USP34: variants seen among roughly 807,000 people sequenced by gnomAD.
The protein encoded by USP34 is ubiquitin carboxyl-terminal hydrolase 34.
A neutral mutation model predicts 460.3 loss-of-function variants in USP34; 70 were observed. That is an observed-to-expected ratio of 0.15 (90% CI 0.13 to 0.19). The LOEUF is 0.19. Among genes scored for constraint, USP34 ranks in the 10% least tolerant of loss-of-function variants. The pLI, the probability that USP34 is intolerant of heterozygous loss-of-function variation, is 1.00. For synonymous variants in USP34, 1,647 were observed against 1,405.3 expected (o/e 1.17, Z -3.85); for missense variants, 3,985 against 4,236.2 (o/e 0.94, Z 1.65).
intron 62 of USP34, 123 bp from the exon 63 acceptor site, chr2:61,223,419 A>G: frequency 1.0e-6 from 1 of 989,858 alleles, no homozygotes. Flanking sequence ...TCATAAAATG[A>G]TTTTTTGCTA....
At chr2:61,189,127 GT>G in intron 78 of USP34, 58 bp from the exon 79 acceptor site, 2 of 1,539,744 alleles carry the variant, frequency 1.3e-6, no homozygotes, top group Non-Finnish European at 8.8e-7. Flanking sequence ...TGATGCAGTT[GT>G]TTACAGTTAA....
At chr2:61,297,269 C>T (rs1690057588) in intron 29 of USP34, among the ~76,000 whole-genome samples, 1 of 152,174 alleles carries the variant, frequency 6.6e-6, no homozygotes, top group East Asian at 1.9e-4. Context: ...TTTTGCAGGT[C>T]ACTATTCTAA....
In USP34 at chr2:61,214,309, G is replaced by T. The variant is rs1372246931; in HGVS notation, c.8433C>A (p.Asp2811Glu). 1.2e-6 allele frequency: 2 copies of T among 1,614,246 alleles called. No individual in the cohort carries two copies. Among genetic ancestry groups the T allele is most frequent in the Non-Finnish European group, 1.7e-6 (2 of 1,180,046 alleles). The change falls in exon 68 of 80, where the codon GAC (aspartate) becomes GAA (glutamate). Residue 2811 changes from aspartate to glutamate, a missense_variant. Physicochemically the swap from Asp to Glu is conservative, Grantham distance 45. This residue lies in a region of USP34 where 66 missense variants were observed against 121.2 expected (regional missense o/e 0.54). Coordinates refer to ENST00000398571, the MANE Select transcript of USP34 (RefSeq NM_014709.4). ...CAATAAGGCGGATATTCTCTGGACA[G>T]TCAGCACAGACATTGTACCAAAATG... ...LLSFWYNVCA[D>E]CPENIRLIVQ...
intron 18 of USP34, among the ~76,000 whole-genome samples, chr2:61,338,592 A>AAC (rs2103750285): frequency 2.0e-5 from 3 of 152,342 alleles, no homozygotes; most frequent in African/African-American, 7.2e-5. Flanking sequence ...TTAATAACTG[A>AAC]ACTGTCAACA....
rs750634035 is a variant in USP34, at chr2:61,344,033, C to A, written c.2286-4G>T. Reference sequence around the variant, plus strand: ...TAGCATATCATCAACCATATGCCTACAAAACAGAGAAAAGCACAAAGTTAG... The same window carrying A: ...TAGCATATCATCAACCATATGCCTAAAAAACAGAGAAAAGCACAAAGTTAG... On this transcript the variant is annotated splice_region_variant and splice_polypyrimidine_tract_variant and intron_variant, in intron 15 of 79. Coordinates refer to ENST00000398571, the MANE Select transcript of USP34 (RefSeq NM_014709.4). 1 of 1,611,650 alleles carries A rather than the reference C, an allele frequency of 6.2e-7. No homozygotes were observed. The highest frequency in any genetic ancestry group is 8.5e-7 in the Non-Finnish European group (1 of 1,178,462).
chr2:61,322,964 T>C (rs1690971366), intron 21 of USP34, among the ~76,000 whole-genome samples: 1 of 152,226 alleles, frequency 6.6e-6, no homozygotes, highest in African/African-American at 2.4e-5. Flanking sequence ...TTAAACACTT[T>C]TGTTATTTTT....
chr2:61,236,415 T>G (rs747730342), intron 53 of USP34, 26 bp from the exon 54 acceptor site: 148 of 1,530,220 alleles, frequency 9.7e-5, no homozygotes, highest in South Asian at 8.6e-5. Context: ...TTAACATTAG[T>G]GATAAAGCAG....
chr2:61,403,458 C>T (rs1199990494), intron 3 of USP34, among the ~76,000 whole-genome samples: 2 of 152,098 alleles, frequency 1.3e-5, no homozygotes, highest in Non-Finnish European at 2.9e-5. Context: ...GATATTAAAG[C>T]ACTATGTAGA....
In USP34 at chr2:61,346,857, G is replaced by C. The variant is rs759136678; in HGVS notation, c.2285+1013C>G. 5.1e-3 allele frequency among the ~76,000 whole-genome samples: 645 copies of C among 126,968 alleles called. 5 individuals are homozygous for C. Among genetic ancestry groups the C allele is most frequent in the Non-Finnish European group, 8.2e-3 (496 of 60,232 alleles). The allele number at this position is 126,968 out of a possible 152,430, so 83.3% of individuals were successfully genotyped here. On this transcript the variant is annotated intron_variant, in intron 15 of 79. Transcript: ENST00000398571. ...AAAAAAAAAAAAAAAAAAAAAAAAG[G>C]CCGGGCCTGGTGGCTCACACCTGTG... is the stretch of plus-strand genomic sequence containing the variant.
At chr2:61,231,415 T>C (rs1332574268) in intron 58 of USP34, among the ~76,000 whole-genome samples, 1 of 152,128 alleles carries the variant, frequency 6.6e-6, no homozygotes, top group Admixed American at 6.6e-5. Flanking sequence ...TTTTATGGTA[T>C]AAGAATTGTA....
chr2:61,303,522 A>C (rs941113809), intron 27 of USP34, among the ~76,000 whole-genome samples: 1 of 152,228 alleles, frequency 6.6e-6, no homozygotes, highest in African/African-American at 2.4e-5. Flanking sequence ...CAAAACCAGA[A>C]GAAAAGTAAA....
chr2:61,221,676 T>G (rs966226771), intron 65 of USP34, 70 bp from the exon 66 acceptor site: 5 of 1,370,374 alleles, frequency 3.6e-6, no homozygotes, highest in Non-Finnish European at 5.1e-6. Flanking sequence ...AGAAGAAACA[T>G]ATATTCTACT....
At chr2:61,279,645 T>C (rs945520308) in intron 39 of USP34, among the ~76,000 whole-genome samples, 2 of 152,140 alleles carry the variant, frequency 1.3e-5, no homozygotes, top group Non-Finnish European at 2.9e-5. Flanking sequence ...TTTGCATTTT[T>C]AGTAGAGATG....
chr2:61,367,436 C>T (rs557268707), intron 10 of USP34, among the ~76,000 whole-genome samples: 1 of 152,304 alleles, frequency 6.6e-6, no homozygotes, highest in East Asian at 1.9e-4. Flanking sequence ...GCTAATTACA[C>T]CACTGCGCTC....
At chr2:61,292,875 A>G (rs1572906124) in intron 33 of USP34, among the ~76,000 whole-genome samples, 2 of 152,112 alleles carry the variant, frequency 1.3e-5, no homozygotes, top group African/African-American at 4.8e-5. Flanking sequence ...TGGTAAAGTT[A>G]ACATTTTTTA....
At chr2:61,277,902 C>G (rs1689418567) in intron 41 of USP34, 1 of 380,004 alleles carries the variant, frequency 2.6e-6, no homozygotes, top group African/African-American at 2.1e-5. Flanking sequence ...AAACCGCTTT[C>G]GCTTGGTTCT....
chr2:61,389,523 C>G (rs1269589625), intron 5 of USP34, among the ~76,000 whole-genome samples: 1 of 151,950 alleles, frequency 6.6e-6, no homozygotes, highest in African/African-American at 2.4e-5. Flanking sequence ...GAAGATCTAC[C>G]ATTTACTAAG....
intron 1 of USP34, among the ~76,000 whole-genome samples, chr2:61,430,212 CACA>C (rs1694627959): frequency 8.5e-6 from 1 of 117,718 alleles, no homozygotes; most frequent in Non-Finnish European, 1.7e-5. Flanking sequence ...GAGTCTTCGT[CACA>C]AAAAAAAAAA....
chr2:61,470,206 G>C (rs1695906619), intron 1 of USP34, among the ~76,000 whole-genome samples: 1 of 152,178 alleles, frequency 6.6e-6, no homozygotes, highest in South Asian at 2.1e-4. Context: ...ATGAAAATTA[G>C]CAGGTAAGAG....
Sources: gnomAD v4.1 joint callset for allele counts (sites outside exome capture counted in the v4.1 genomes callset) on GRCh38, gnomAD v4.1.1 for gene constraint, gnomAD v4.1.1 regional missense constraint, MANE v1.5 for transcripts, NCBI Gene and HGNC (gene_info 2026-07-23, HGNC 2026-07-21) for gene names.